Variants in ERGIC3 observed in about 807,000 individuals in gnomAD.
The protein encoded by ERGIC3 is ERGIC and golgi 3, also known as endoplasmic reticulum-Golgi intermediate compartment protein 3.
ERGIC3 carries 33 observed loss-of-function variants against 54.7 expected under a neutral mutation model. The ratio of observed to expected loss-of-function variants is 0.60; its 90% CI spans 0.46 to 0.81. The LOEUF (loss-of-function observed/expected upper bound fraction) is 0.81. Among genes scored for constraint, ERGIC3 ranks in the 30% least tolerant of loss-of-function variants. ERGIC3 has a pLI of 0.00. For missense variants in ERGIC3, 399 were observed against 488.4 expected (o/e 0.82, Z 1.73); for synonymous variants, 186 against 189.8 (o/e 0.98, Z 0.16).
chr20:35,547,160 G>T, intron 4 of ERGIC3: 1 of 349,716 alleles, frequency 2.9e-6, no homozygotes, highest in African/African-American at 2.1e-5. Flanking sequence ...ATGAGATGAT[G>T]GTTGTGAAGT....
intron 5 of ERGIC3, among the ~76,000 whole-genome samples, chr20:35,548,006 G>A (rs1305984787): frequency 1.3e-5 from 2 of 152,066 alleles, no homozygotes; most frequent in Non-Finnish European, 2.9e-5. Context: ...GTGGGGCCTG[G>A]GAATGTGTAC....
In ERGIC3 at chr20:35,557,575, C is replaced by G. The variant is rs558882184; in HGVS notation, c.*71C>G. On this transcript the variant is annotated 3_prime_UTR_variant, in exon 13 of 13. Transcript: ENST00000348547. ...GTTGTCCCCCAGCCTCTGCCACCCTCCACCTCCTCGGTCAGCCCCAGCCCC... is the reference window on the plus strand; with the variant it reads ...GTTGTCCCCCAGCCTCTGCCACCCTGCACCTCCTCGGTCAGCCCCAGCCCC... 1.5e-6 allele frequency: 2 copies of G among 1,345,740 alleles called. No individual in the cohort carries two copies. Among genetic ancestry groups the G allele is most frequent in the East Asian group, 4.6e-5 (2 of 43,614 alleles). 83.4% of individuals were successfully genotyped at this position (1,345,740 alleles called of 1,614,324 possible).
rs764838218 is a variant in ERGIC3, at chr20:35,557,438, C to T, written c.1086C>T (p.Ile362=). The T allele has an allele frequency of 2.5e-5, 41 of 1,613,944 alleles. No homozygotes were observed. The highest frequency in any genetic ancestry group is 3.2e-5 in the Non-Finnish European group (38 of 1,180,008). The change falls in exon 13 of 13, where the codon ATC becomes ATT. Residue 362 remains isoleucine (I), a synonymous_variant. Coordinates refer to ENST00000348547, the MANE Select transcript of ERGIC3 (RefSeq NM_015966.3). ...TCTCTCTCCCAGTGGCTGGACTCAT[C>T]GATTCGCTCATCTACCACTCAGCAC... ...IGGMFTVAGL[I]DSLIYHSARA... is the part of the protein sequence containing the mutation.
At position 35,542,947 on chromosome 20, in the gene ERGIC3, C is replaced by T. The variant is rs368454586; in HGVS notation, c.367+6C>T. 9.9e-6 allele frequency: 16 copies of T among 1,613,398 alleles called. No individual in the cohort carries two copies. Among genetic ancestry groups the T allele is most frequent in the Non-Finnish European group, 1.4e-5 (16 of 1,179,730 alleles). On this transcript the variant is annotated splice_donor_region_variant and intron_variant, in intron 4 of 12. Coordinates refer to ENST00000348547, the MANE Select transcript of ERGIC3 (RefSeq NM_015966.3). ...CTCAGAGGCTGAGCGGCATGGTAACCAGGGGAGGGGGCCGGGTCTCAGATC... is the reference window on the plus strand; with the variant it reads ...CTCAGAGGCTGAGCGGCATGGTAACTAGGGGAGGGGGCCGGGTCTCAGATC...
At chr20:35,553,776 C>G (rs1350547221) in intron 7 of ERGIC3, among the ~76,000 whole-genome samples, 1 of 152,132 alleles carries the variant, frequency 6.6e-6, no homozygotes, top group African/African-American at 2.4e-5. Context: ...TGATCAGTGT[C>G]AAGCTGTTGG....
At chr20:35,543,543 T>G (rs2064629042) in intron 4 of ERGIC3, 1 of 462,742 alleles carries the variant, frequency 2.2e-6, no homozygotes, top group Non-Finnish European at 4.5e-6. Flanking sequence ...TCTTGGTGGC[T>G]TCCCAATTCC....
intron 5 of ERGIC3, among the ~76,000 whole-genome samples, chr20:35,548,130 C>T (rs576125962): frequency 6.6e-6 from 1 of 152,258 alleles, no homozygotes; most frequent in East Asian, 1.9e-4. Flanking sequence ...GCAGTCACCA[C>T]TCTCTGTCCT....
intron 7 of ERGIC3, among the ~76,000 whole-genome samples, chr20:35,554,053 G>A (rs1233517582): frequency 2.0e-5 from 3 of 152,162 alleles, no homozygotes; most frequent in African/African-American, 4.8e-5. Context: ...TAGATCCCAC[G>A]TGATCCTTAG....
intron 4 of ERGIC3, chr20:35,544,046 CT>C (rs2064633457): frequency 4.5e-6 from 1 of 221,226 alleles, no homozygotes; most frequent in African/African-American, 2.3e-5. Context: ...ATCTATCTAT[CT>C]ATCTATCTAT....
intron 12 of ERGIC3, 49 bp from the exon 13 acceptor site, chr20:35,557,376 A>C (rs2064720459): frequency 6.2e-7 from 1 of 1,611,136 alleles, no homozygotes; most frequent in Non-Finnish European, 8.5e-7. Context: ...CTCAGCGTCA[A>C]AAGCCAAGGC....
intron 4 of ERGIC3, among the ~76,000 whole-genome samples, chr20:35,545,958 C>T (rs1289837612): frequency 2.0e-5 from 3 of 152,112 alleles, no homozygotes; most frequent in Non-Finnish European, 4.4e-5. Context: ...GATAGGTCTA[C>T]GGCCTGTACC....
At chr20:35,547,262 G>A in intron 4 of ERGIC3, 150 bp from the exon 5 acceptor site, 2 of 621,310 alleles carry the variant, frequency 3.2e-6, no homozygotes, top group Non-Finnish European at 5.8e-6. Flanking sequence ...GTGTGTAGAA[G>A]TGCTTAATGC....
In ERGIC3 at chr20:35,555,073, A is replaced by G; in HGVS notation, c.715A>G (p.Asn239Asp). The G allele has an allele frequency of 6.2e-7, 1 of 1,613,540 alleles. No individual in the cohort carries two copies. The highest frequency in any genetic ancestry group is 8.5e-7 in the Non-Finnish European group (1 of 1,179,892). Residue 239 changes from asparagine (N) to aspartate (D), a missense_variant and splice_region_variant, in exon 8 of 13, where the codon AAC becomes GAC. Physicochemically the swap from Asn to Asp is conservative, Grantham distance 23 (BLOSUM62 1). Coordinates refer to ENST00000348547, the MANE Select transcript of ERGIC3 (RefSeq NM_015966.3). ...TGACTTGCAGAGCTTTGGCCTTGAC[A>G]ACGTACGTACCAGATGGAAACCATG... The part of the protein sequence containing the change: ...VHDLQSFGLD[N>D]INMTHYIQHL...
chr20:35,545,805 A>G (rs1013763204), intron 4 of ERGIC3, among the ~76,000 whole-genome samples: 1 of 152,106 alleles, frequency 6.6e-6, no homozygotes, highest in Non-Finnish European at 1.5e-5. Flanking sequence ...GGGGTATGTT[A>G]AATTTGGGGT....
chr20:35,553,020 A>ATTTTTTTTTTTTTTTGTTT (rs2064689966), intron 7 of ERGIC3, among the ~76,000 whole-genome samples: 1 of 41,552 alleles, frequency 2.4e-5, no homozygotes, highest in Non-Finnish European at 4.4e-5. Flanking sequence ...AAAGCTGGGG[A>ATTTTTTTTTTTTTTTGTTT]TTTTTTTTTT....
intron 7 of ERGIC3, 49 bp from the exon 8 acceptor site, chr20:35,554,995 T>C (rs2064703231): frequency 2.5e-6 from 4 of 1,608,394 alleles, no homozygotes; most frequent in Non-Finnish European, 3.4e-6. Flanking sequence ...AGGCCAGTGC[T>C]GCTCCTACTA....
chr20:35,548,082 G>A (rs562814516), intron 5 of ERGIC3, among the ~76,000 whole-genome samples: 4 of 152,104 alleles, frequency 2.6e-5, no homozygotes, highest in Non-Finnish European at 5.9e-5. Flanking sequence ...ATTTTTAAGT[G>A]TGCAACTCAG....
chr20:35,556,720 A>G (rs2064714938), intron 10 of ERGIC3: 4 of 577,604 alleles, frequency 6.9e-6, no homozygotes, highest in Non-Finnish European at 9.3e-6. Flanking sequence ...GACCCCCGTG[A>G]GAACACCCAC....
rs1171406239 is a variant in ERGIC3, at chr20:35,557,206, C to T, written c.1029C>T (p.His343=). The T allele has an allele frequency of 2.5e-6, 4 of 1,614,230 alleles. No individual in the cohort carries two copies. In the South Asian group the frequency reaches 3.3e-5, roughly 13 times the overall value. ...CTCCTTCTACCAGGTCCTTCACCCA[C>T]TTCCTGACAGGTGTGTGCGCCATCA... is the stretch of plus-strand genomic sequence containing the variant. ...KLTEKHRSFT[H]FLTGVCAIIG... is the part of the protein sequence containing the mutation. Residue 343 remains histidine (H), a synonymous_variant, in exon 12 of 13, where the codon CAC becomes CAT. Coordinates refer to ENST00000348547, the MANE Select transcript of ERGIC3 (RefSeq NM_015966.3).
Sources: allele counts gnomAD v4.1 joint callset (sites outside exome capture counted in the v4.1 genomes callset), GRCh38; gene constraint gnomAD v4.1.1; transcripts MANE v1.5; gene names NCBI Gene and HGNC (gene_info 2026-07-23, HGNC 2026-07-21).